Variants in SNTG2 observed in about 807,000 individuals in gnomAD.
SNTG2 encodes gamma-2-syntrophin.
A neutral mutation model predicts 70.9 loss-of-function variants in SNTG2; 74 were observed. That is an observed-to-expected ratio of 1.04 (90% CI 0.86 to 1.27). The LOEUF is 1.27. Among genes scored for constraint, SNTG2 ranks in the 50% most tolerant of loss-of-function variants. The pLI, the probability that SNTG2 is intolerant of heterozygous loss-of-function variation, is 0.00. For synonymous variants in SNTG2, 278 were observed against 273.8 expected (o/e 1.02, Z -0.15); for missense variants, 717 against 690.7 (o/e 1.04, Z -0.43).
At position 1,308,605 on chromosome 2, in the gene SNTG2, A is replaced by G. The variant is rs1273671293; in HGVS notation, c.1377+19A>G. The G allele has an allele frequency of 1.3e-6, 2 of 1,540,686 alleles. No homozygotes were observed. Among genetic ancestry groups the G allele is most frequent in the Admixed American group, 3.9e-5 (2 of 50,992 alleles). Reference sequence around the variant, plus strand: ...GACCAAGGTAAGAGGCCAAGCAGGCATCCATGCCGCCCCATTGCCATGTGC... The same window carrying G: ...GACCAAGGTAAGAGGCCAAGCAGGCGTCCATGCCGCCCCATTGCCATGTGC... On this transcript the variant is annotated intron_variant, in intron 15 of 16. Transcript: ENST00000308624.
At chr2:1,144,460 G>T (rs1668967146) in intron 6 of SNTG2, among the ~76,000 whole-genome samples, 1 of 152,116 alleles carries the variant, frequency 6.6e-6, no homozygotes, top group African/African-American at 2.4e-5. Context: ...CACATTCTGG[G>T]CCATAAAAAC....
chr2:1,101,892 G>C (rs1665804511), intron 4 of SNTG2, among the ~76,000 whole-genome samples: 1 of 152,216 alleles, frequency 6.6e-6, no homozygotes, highest in South Asian at 2.1e-4. Context: ...AGAGCAGCCA[G>C]GTAGCCCGAG....
rs1553362354 is a variant in SNTG2, at chr2:1,222,125, GTCTC to G, written c.719+12901_719+12904del. Reference sequence around the variant, plus strand: ...TCTCTGTCTCTCTCTGTCTCTCTCTGTCTCTCTCTGTCTCTCTCTGTCTCTGCCT... The same window carrying G: ...TCTCTGTCTCTCTCTGTCTCTCTCTGTCTCTGTCTCTCTCTGTCTCTGCCT... On this transcript the variant is annotated intron_variant, in intron 9 of 16. Coordinates refer to ENST00000308624, the MANE Select transcript of SNTG2 (RefSeq NM_018968.4). 2.4e-4 allele frequency among the ~76,000 whole-genome samples: 18 copies of G among 76,326 alleles called. 1 individual carries two copies. Among genetic ancestry groups the G allele is most frequent in the African/African-American group, 6.1e-4 (8 of 13,216 alleles). 50.1% of individuals were successfully genotyped at this position (76,326 alleles called of 152,430 possible).
chr2:1,347,099 A>T (rs62105576), intron 16 of SNTG2, among the ~76,000 whole-genome samples: 1 of 148,008 alleles, frequency 6.8e-6, no homozygotes, highest in Non-Finnish European at 1.5e-5. Context: ...GGAAAAAAAA[A>T]GGTGAGAGCT....
chr2:1,316,413 C>A (rs1256182954), intron 16 of SNTG2, 38 bp downstream of exon 16: 2 of 1,101,590 alleles, frequency 1.8e-6, no homozygotes, highest in South Asian at 1.4e-5. Context: ...TGCCACCACC[C>A]ACACATAAAG....
intron 9 of SNTG2, among the ~76,000 whole-genome samples, chr2:1,216,702 T>C (rs897878976): frequency 4.6e-5 from 7 of 151,912 alleles, no homozygotes; most frequent in Admixed American, 2.0e-4. Context: ...GACAGGAGAG[T>C]CCCTCTGGGT....
chr2:1,238,026 A>G lies in SNTG2; in HGVS notation c.849+9A>G, dbSNP rs772514791. 8.1e-6 allele frequency: 13 copies of G among 1,606,372 alleles called. No homozygotes were observed. The Admixed American group carries it at 1.5e-4, about 19-fold the overall frequency. On this transcript the variant is annotated intron_variant, in intron 10 of 16. Coordinates refer to ENST00000308624, the MANE Select transcript of SNTG2 (RefSeq NM_018968.4). ...AGCTGACACTTCAGAACGTGAGCAC[A>G]CGGTGTTTCTGAGTCTCTGCTGATG...
chr2:1,155,180 A>ACACACG (rs1355397754), intron 6 of SNTG2, among the ~76,000 whole-genome samples: 2 of 148,134 alleles, frequency 1.4e-5, no homozygotes, highest in Non-Finnish European at 3.0e-5. Flanking sequence ...CCCCCCCCCC[A>ACACACG]CACACATATA....
At chr2:1,183,810 A>G (rs950789975) in intron 8 of SNTG2, among the ~76,000 whole-genome samples, 1 of 152,206 alleles carries the variant, frequency 6.6e-6, no homozygotes, top group Non-Finnish European at 1.5e-5. Flanking sequence ...GAAACCTAGA[A>G]TATATAGTTA....
chr2:1,100,082 T>C (rs562393586), intron 4 of SNTG2, among the ~76,000 whole-genome samples: 1 of 152,140 alleles, frequency 6.6e-6, no homozygotes, highest in Admixed American at 6.5e-5. Context: ...TACAGGTTAG[T>C]TGTAACCAAG....
intron 7 of SNTG2, among the ~76,000 whole-genome samples, chr2:1,167,607 G>A (rs1670815237): frequency 9.2e-6 from 1 of 108,382 alleles, no homozygotes; most frequent in Non-Finnish European, 1.9e-5. Flanking sequence ...CCCACAGACG[G>A]CAGAACTGAA....
chr2:1,079,269 CAGGGCACAGGAA>C (rs145301080), intron 1 of SNTG2, among the ~76,000 whole-genome samples: 5,661 of 152,264 alleles, frequency 0.037, 199 homozygotes, highest in South Asian at 0.16. Flanking sequence ...GTGATGTCTC[CAGGGCACAGGAA>C]GGGGCACAGA....
At chr2:951,522 G>A (rs958616803) in intron 1 of SNTG2, among the ~76,000 whole-genome samples, 2 of 152,246 alleles carry the variant, frequency 1.3e-5, no homozygotes, top group African/African-American at 4.8e-5. Flanking sequence ...AGCCCAGCCA[G>A]GTGCATGGCG....
intron 12 of SNTG2, among the ~76,000 whole-genome samples, chr2:1,254,106 G>T (rs1489605284): frequency 6.6e-6 from 1 of 152,176 alleles, no homozygotes; most frequent in African/African-American, 2.4e-5. Flanking sequence ...CATGAGATTT[G>T]GGCGGAGTCA....
intron 9 of SNTG2, among the ~76,000 whole-genome samples, chr2:1,237,304 A>G (rs1400832518): frequency 6.6e-6 from 1 of 152,222 alleles, no homozygotes; most frequent in Non-Finnish European, 1.5e-5. Flanking sequence ...CTCTTTTGCA[A>G]ATAGGCATAT....
chr2:1,158,425 A>C (rs1266032481), intron 6 of SNTG2: 1 of 152,214 alleles, frequency 6.6e-6, no homozygotes, highest in Non-Finnish European at 1.5e-5. Flanking sequence ...GGGGGAGGAG[A>C]TGCAGAGGAG....
At chr2:1,231,633 CCT>C (rs1384659801) in intron 9 of SNTG2, among the ~76,000 whole-genome samples, 2 of 152,178 alleles carry the variant, frequency 1.3e-5, no homozygotes, top group South Asian at 2.1e-4. Flanking sequence ...TCACCTCCCT[CCT>C]CTGTTTCCTT....
chr2:1,327,741 A>G (rs1417946597), intron 16 of SNTG2, among the ~76,000 whole-genome samples: 1 of 152,240 alleles, frequency 6.6e-6, no homozygotes, highest in Non-Finnish European at 1.5e-5. Flanking sequence ...TTTTTATTAA[A>G]CAAACAATAT....
intron 1 of SNTG2, among the ~76,000 whole-genome samples, chr2:953,686 A>G (rs980968203): frequency 1.3e-5 from 2 of 152,260 alleles, no homozygotes; most frequent in Non-Finnish European, 2.9e-5. Context: ...GCAGGCAGTT[A>G]CCTGACTTTA....
Sources: gnomAD v4.1 joint callset for allele counts (sites outside exome capture counted in the v4.1 genomes callset) on GRCh38, gnomAD v4.1.1 for gene constraint, MANE v1.5 for transcripts, NCBI Gene and HGNC (gene_info 2026-07-23, HGNC 2026-07-21) for gene names.